Variants in PTCHD1 observed in about 807,000 individuals in gnomAD.
PTCHD1 encodes patched domain containing 1.
In PTCHD1, 3 loss-of-function variants were observed where a neutral mutation model predicts 34.6. That is an observed-to-expected ratio of 0.09 (90% confidence interval 0.04 to 0.22). The LOEUF (loss-of-function observed/expected upper bound fraction) is 0.22. PTCHD1 is among the 10% of genes least tolerant of loss of function. The pLI, the probability that PTCHD1 is intolerant of heterozygous loss-of-function variation, is 1.00. For missense variants in PTCHD1, 504 were observed against 685.5 expected, an observed-to-expected ratio of 0.74 and a Z score of 2.96; for synonymous variants, 305 against 283.1, an observed-to-expected ratio of 1.08 and a Z score of -0.77.
intron 1 of PTCHD1, among the ~76,000 whole-genome samples, chrX:23,349,051 C>A (rs1921555683): frequency 1.8e-5 from 2 of 111,349 alleles, no homozygotes; most frequent in South Asian, 7.6e-4. Flanking sequence ...TATAACTGCA[C>A]CACATATAAA....
In PTCHD1 at chrX:23,366,135, C is replaced by A. The variant is rs191039223; in HGVS notation, c.352-13456C>A. Among the ~76,000 whole-genome samples, 4 of 111,942 alleles carry A rather than the reference C, an allele frequency of 3.6e-5. No homozygotes were observed. The East Asian group carries it at 1.1e-3, about 31-fold the overall frequency. ...TCTATAAAAAAGTAAAGGCATAAAC[C>A]TTCTGTCTCCTTCAAGCTAGTATGA... is the stretch of plus-strand genomic sequence containing the variant. On this transcript the variant is annotated intron_variant, in intron 1 of 2. Transcript: ENST00000379361.
rs1922811755 is a variant in PTCHD1, at chrX:23,390,854, T to G, written c.1013-1677T>G. On this transcript the variant is annotated intron_variant, in intron 2 of 2. Coordinates refer to ENST00000379361, the MANE Select transcript of PTCHD1 (RefSeq NM_173495.3). ...CAGTGACTCACTTTATTCAGCATTA[T>G]GCTTGGCTGGAGATTTTAAATTCCT... Among the ~76,000 whole-genome samples, 6 of 112,385 alleles carry G rather than the reference T, an allele frequency of 5.3e-5. No individual in the cohort carries two copies. The South Asian group carries it at 2.2e-3, about 42-fold the overall frequency.
intron 1 of PTCHD1, among the ~76,000 whole-genome samples, chrX:23,353,620 AAC>A (rs1921715765): frequency 1.8e-5 from 2 of 111,758 alleles, no homozygotes; most frequent in Admixed American, 1.9e-4. Context: ...AAAAAAAAAA[AAC>A]GTAAGCTAAG....
intron 1 of PTCHD1, chrX:23,351,274 A>G: frequency 1.2e-6 from 1 of 811,635 alleles, no homozygotes. Flanking sequence ...TGACTCATTC[A>G]CTCTGTTCAC....
intron 1 of PTCHD1, among the ~76,000 whole-genome samples, chrX:23,377,087 G>A (rs1055033574): frequency 1.8e-5 from 2 of 112,111 alleles, no homozygotes; most frequent in East Asian, 2.8e-4. Flanking sequence ...GGGCATGGCC[G>A]TCATAGAGAA....
chrX:23,379,388 T>C (rs915114989), intron 1 of PTCHD1, among the ~76,000 whole-genome samples: 1 of 111,836 alleles, frequency 8.9e-6, no homozygotes, highest in African/African-American at 3.3e-5. Flanking sequence ...AGCTCCCAGG[T>C]TATGCTGCTG....
At position 23,398,774 on chromosome X, in the gene PTCHD1, G is replaced by A. The variant is rs983238596; in HGVS notation, c.*4589G>A. 23 of 111,180 alleles carry A rather than the reference G, an allele frequency of 2.1e-4. No homozygotes were observed. Among genetic ancestry groups the A allele is most frequent in the African/African-American group, 7.2e-4 (22 of 30,573 alleles). 9.2% of individuals were successfully genotyped at this position (111,180 alleles called of 1,213,427 possible). On this transcript the variant is annotated 3_prime_UTR_variant, in exon 3 of 3. Coordinates refer to ENST00000379361, the MANE Select transcript of PTCHD1 (RefSeq NM_173495.3). ...AGTCCAGGAGAAAGCAAAGAGGAAAGTGGATGAGCTATAATCCGTTCACCT... is the reference window on the plus strand; with the variant it reads ...AGTCCAGGAGAAAGCAAAGAGGAAAATGGATGAGCTATAATCCGTTCACCT...
At chrX:23,343,404 G>C (rs758906588) in intron 1 of PTCHD1, among the ~76,000 whole-genome samples, 1 of 111,973 alleles carries the variant, frequency 8.9e-6, no homozygotes, top group African/African-American at 3.2e-5. Context: ...TCCCTGTGCA[G>C]TTCCCAGTGA....
intron 1 of PTCHD1, among the ~76,000 whole-genome samples, chrX:23,343,335 AG>A (rs1414328612): frequency 8.9e-6 from 1 of 111,958 alleles, no homozygotes; most frequent in African/African-American, 3.2e-5. Flanking sequence ...ACAGTTTGGG[AG>A]GGTATGAACT....
rs1569145463 is a variant in PTCHD1, at chrX:23,403,360, G to T, written c.*9175G>T. 8.9e-6 allele frequency: 1 copy of T among 112,049 alleles called. No individual in the cohort carries two copies. The highest frequency in any genetic ancestry group is 2.8e-4 in the East Asian group (1 of 3,594). The allele number at this position is 112,049 out of a possible 1,213,427, so 9.2% of individuals were successfully genotyped here. ...ATCCAAATGCTAGAGCACATAATGA[G>T]TTCAGCTTGGTCAGTTTTGAGACAG... On this transcript the variant is annotated 3_prime_UTR_variant, in exon 3 of 3. Coordinates refer to ENST00000379361, the MANE Select transcript of PTCHD1 (RefSeq NM_173495.3).
At chrX:23,361,206 T>A (rs1283155759) in intron 1 of PTCHD1, among the ~76,000 whole-genome samples, 3 of 111,580 alleles carry the variant, frequency 2.7e-5, no homozygotes, top group Admixed American at 1.9e-4. Flanking sequence ...GATTTCCATG[T>A]TAACCTTCTT....
rs1017078411 is a variant in PTCHD1 at position 23,397,481 on chromosome X, G to A, written c.*3296G>A. The A allele has an allele frequency of 8.9e-6, 1 of 112,041 alleles. No homozygotes were observed. Among genetic ancestry groups the A allele is most frequent in the Non-Finnish European group, 1.9e-5 (1 of 53,177 alleles). 9.2% of individuals were successfully genotyped at this position (112,041 alleles called of 1,213,427 possible). A position where few individuals can be genotyped will look rare whatever the true frequency, so the allele number is the denominator to read the frequency against. ...TGTTCCAGCTCATAAGTTTTACTTT[G>A]TTTTGGGTTTTGGAGTTTTTAGTTT... is the stretch of plus-strand genomic sequence containing the variant. On this transcript the variant is annotated 3_prime_UTR_variant, in exon 3 of 3. Transcript: ENST00000379361.
rs765139653 is a variant in PTCHD1 at position 23,392,953 on chromosome X, G to A, written c.1435G>A (p.Glu479Lys). The stretch of plus-strand genomic sequence containing the variant: ...TGAAGGCGAGGAAGCGAACACTTAC[G>A]AGAGTCACCTATTGGTATGTTTCCT... The part of the protein sequence containing the change: ...TAEGEEANTY[E>K]SHLLVCFLKR... Residue 479 changes from glutamate (E) to lysine (K), a missense_variant, in exon 3 of 3, where the codon GAG (glutamate) becomes AAG (lysine). Coordinates refer to ENST00000379361, the MANE Select transcript of PTCHD1 (RefSeq NM_173495.3). 13 of 1,210,895 alleles carry A rather than the reference G, an allele frequency of 1.1e-5. No individual in the cohort carries two copies. In the East Asian group the frequency reaches 1.5e-4, roughly 14 times the overall value.
Position 23,401,407 on chromosome X carries a change from C to A in PTCHD1, c.*7222C>A, listed in dbSNP as rs1226583023. On this transcript the variant is annotated 3_prime_UTR_variant, in exon 3 of 3. Transcript: ENST00000379361. ...CCATCCTGTCAAAATTGCCTTTACG[C>A]ACTGATCCAGAATCACCAAGGCAGT... 1.8e-5 allele frequency: 2 copies of A among 112,463 alleles called. No homozygotes were observed. Among genetic ancestry groups the A allele is most frequent in the Non-Finnish European group, 3.8e-5 (2 of 53,317 alleles). 9.3% of individuals were successfully genotyped at this position (112,463 alleles called of 1,213,427 possible). A position where few individuals can be genotyped will look rare whatever the true frequency, so the allele number is the denominator to read the frequency against.
chrX:23,365,070 A>G (rs950699366), intron 1 of PTCHD1, among the ~76,000 whole-genome samples: 2 of 111,690 alleles, frequency 1.8e-5, no homozygotes, highest in Non-Finnish European at 3.8e-5. Flanking sequence ...AGCCTTAATG[A>G]AAAGACTGGA....
chrX:23,344,794 A>G (rs1278625596), intron 1 of PTCHD1, among the ~76,000 whole-genome samples: 1 of 111,661 alleles, frequency 9.0e-6, no homozygotes, highest in Non-Finnish European at 1.9e-5. Context: ...CTTTTGAATT[A>G]AAGGTTCTGA....
chrX:23,378,936 G>C (rs16982636), intron 1 of PTCHD1, among the ~76,000 whole-genome samples: 1,357 of 112,029 alleles, frequency 0.012, 25 homozygotes, highest in African/African-American at 0.042. Flanking sequence ...GGCTCTTACA[G>C]TTATAGCTCC....
intron 1 of PTCHD1, among the ~76,000 whole-genome samples, chrX:23,361,011 A>T (rs1381505909): frequency 8.9e-6 from 1 of 112,175 alleles, no homozygotes; most frequent in Non-Finnish European, 1.9e-5. Flanking sequence ...GTGGTCTGAG[A>T]GACAGTTGGT....
chrX:23,387,016 T>A (rs1047614918), intron 2 of PTCHD1, among the ~76,000 whole-genome samples: 1 of 111,791 alleles, frequency 8.9e-6, no homozygotes, highest in Non-Finnish European at 1.9e-5. Context: ...CTATGTATAC[T>A]GGGACAGGCG....
Sources: allele counts gnomAD v4.1 joint callset (sites outside exome capture counted in the v4.1 genomes callset), GRCh38; gene constraint gnomAD v4.1.1; transcripts MANE v1.5; gene names NCBI Gene and HGNC (gene_info 2026-07-23, HGNC 2026-07-21).